NR3C2: variants seen among roughly 807,000 people sequenced by gnomAD.
The protein encoded by NR3C2 is nuclear receptor subfamily 3 group C member 2, also known as mineralocorticoid receptor.
NR3C2 carries 15 observed loss-of-function variants against 86.4 expected under a neutral mutation model. That is an observed-to-expected ratio of 0.17 (90% CI 0.12 to 0.27). The LOEUF (loss-of-function observed/expected upper bound fraction) is 0.27, where lower values mean the gene tolerates loss of function less well. Among genes scored for constraint, NR3C2 ranks in the 10% least tolerant of loss-of-function variants. The probability of loss-of-function intolerance (pLI) is 1.00; values close to 1 mark genes in which losing one functional copy is unlikely to be tolerated. For missense variants in NR3C2, 960 were observed against 1,195.6 expected, an observed-to-expected ratio of 0.80 and a Z score of 2.91; for synonymous variants, 458 against 450.5, an observed-to-expected ratio of 1.02 and a Z score of -0.21.
upstream of NR3C2, chr4:148,444,953 G>C (rs1750511257): frequency 2.1e-5 from 21 of 985,046 alleles, no homozygotes; most frequent in Non-Finnish European, 2.5e-5. Flanking sequence ...TGACAGCTCC[G>C]GCGGCCGAGC....
chr4:148,222,602 G>T (rs750583071), intron 3 of NR3C2, among the ~76,000 whole-genome samples: 1 of 152,138 alleles, frequency 6.6e-6, no homozygotes, highest in South Asian at 2.1e-4. Flanking sequence ...CAACTGAATT[G>T]CTGGAAAATC....
chr4:148,118,183 T>A (rs960913591), intron 7 of NR3C2, among the ~76,000 whole-genome samples: 1 of 152,200 alleles, frequency 6.6e-6, no homozygotes, highest in Admixed American at 6.5e-5. Context: ...CTCTGTTGTC[T>A]CCTCTGGCAC....
intron 8 of NR3C2, among the ~76,000 whole-genome samples, chr4:148,091,554 C>T (rs1294952904): frequency 6.6e-6 from 1 of 152,248 alleles, no homozygotes; most frequent in Non-Finnish European, 1.5e-5. Context: ...TCTGGGTCAG[C>T]ATGGATACTG....
intron 2 of NR3C2, among the ~76,000 whole-genome samples, chr4:148,352,500 C>T (rs1037436735): frequency 2.0e-5 from 3 of 151,916 alleles, no homozygotes; most frequent in Non-Finnish European, 2.9e-5. Flanking sequence ...GCAAACTCAC[C>T]GCAGGCTGCC....
chr4:148,266,333 C>T (rs943680581), intron 2 of NR3C2, among the ~76,000 whole-genome samples: 1 of 152,030 alleles, frequency 6.6e-6, no homozygotes, highest in Non-Finnish European at 1.5e-5. Flanking sequence ...GGCCTCCCAA[C>T]GTGTTGGGAT....
At chr4:148,434,914 C>G (rs1207164134) in intron 2 of NR3C2, among the ~76,000 whole-genome samples, 190 bp downstream of exon 2, 2 of 152,134 alleles carry the variant, frequency 1.3e-5, no homozygotes, top group African/African-American at 4.8e-5. Context: ...TTTTCTAAGA[C>G]ATTTTAAGAA....
At chr4:148,133,086 G>T (rs1461766666) in intron 6 of NR3C2, among the ~76,000 whole-genome samples, 1 of 151,802 alleles carries the variant, frequency 6.6e-6, no homozygotes, top group African/African-American at 2.4e-5. Context: ...CCAGCTACTT[G>T]GGAGGCTGAG....
chr4:148,407,028 G>A (rs1748461031), intron 2 of NR3C2, among the ~76,000 whole-genome samples: 2 of 152,320 alleles, frequency 1.3e-5, no homozygotes, highest in Non-Finnish European at 2.9e-5. Context: ...GTTTACAGAA[G>A]TGCCAGGCAC....
intron 2 of NR3C2, among the ~76,000 whole-genome samples, chr4:148,265,031 G>C (rs2149877411): frequency 6.6e-6 from 1 of 152,142 alleles, no homozygotes; most frequent in South Asian, 2.1e-4. Context: ...ATCATTTTGG[G>C]GGTTAATAAT....
intron 7 of NR3C2, among the ~76,000 whole-genome samples, chr4:148,117,128 A>C (rs1246139838): frequency 3.3e-5 from 5 of 152,216 alleles, no homozygotes; most frequent in Admixed American, 3.3e-4. Flanking sequence ...GGTTGTAAAC[A>C]CAAGAGCAGC....
intron 3 of NR3C2, among the ~76,000 whole-genome samples, chr4:148,234,175 C>A (rs1412216411): frequency 6.6e-6 from 1 of 152,194 alleles, no homozygotes; most frequent in Non-Finnish European, 1.5e-5. Context: ...AGCATCCTAA[C>A]ATAAAGCTTT....
intron 2 of NR3C2, among the ~76,000 whole-genome samples, chr4:148,319,957 G>C (rs1262555351): frequency 1.4e-5 from 2 of 146,082 alleles, no homozygotes; most frequent in Non-Finnish European, 3.0e-5. Context: ...TCTTGTGCCA[G>C]TTTTCAAAGG....
At chr4:148,340,750 A>G (rs540632920) in intron 2 of NR3C2, among the ~76,000 whole-genome samples, 4 of 152,300 alleles carry the variant, frequency 2.6e-5, no homozygotes, top group African/African-American at 7.2e-5. Context: ...ATCAGAATAT[A>G]TAAGGAACTC....
At chr4:148,126,086 G>A (rs1028636804) in intron 6 of NR3C2, among the ~76,000 whole-genome samples, 3 of 152,338 alleles carry the variant, frequency 2.0e-5, no homozygotes, top group African/African-American at 7.2e-5. Flanking sequence ...CCTTAAGGGG[G>A]CATCCCTGGC....
chr4:148,102,370 C>CT (rs140165203), intron 8 of NR3C2, among the ~76,000 whole-genome samples: 4,196 of 152,288 alleles, frequency 0.028, 194 homozygotes, highest in African/African-American at 0.095. Context: ...AACTCAGTGT[C>CT]TACCTGCTAT....
intron 2 of NR3C2, among the ~76,000 whole-genome samples, chr4:148,355,356 G>A (rs774502566): frequency 6.6e-5 from 10 of 152,122 alleles, no homozygotes; most frequent in Non-Finnish European, 1.5e-4. Flanking sequence ...ATACTTAACG[G>A]CCTTGCATTT....
At chr4:148,102,204 C>T (rs1243752818) in intron 8 of NR3C2, among the ~76,000 whole-genome samples, 1 of 152,190 alleles carries the variant, frequency 6.6e-6, no homozygotes, top group East Asian at 1.9e-4. Flanking sequence ...CATTTGACCA[C>T]AGTGTTTCCT....
At chr4:148,291,238 G>T (rs1741783916) in intron 2 of NR3C2, among the ~76,000 whole-genome samples, 1 of 151,776 alleles carries the variant, frequency 6.6e-6, no homozygotes, top group African/African-American at 2.4e-5. Flanking sequence ...TATGACTTAG[G>T]ATTTTTTTTT....
At chr4:148,340,035 C>T (rs760103952) in intron 2 of NR3C2, among the ~76,000 whole-genome samples, 16 of 151,876 alleles carry the variant, frequency 1.1e-4, no homozygotes, top group Admixed American at 3.3e-4. Flanking sequence ...AAAACACTGA[C>T]GAAAGAAATT....
Sources: gnomAD v4.1 joint callset for allele counts (sites outside exome capture counted in the v4.1 genomes callset) on GRCh38, gnomAD v4.1.1 for gene constraint, MANE v1.5 for transcripts, NCBI Gene and HGNC (gene_info 2026-07-23, HGNC 2026-07-21) for gene names.